The following XRCC6 variants were observed in gnomAD, a reference collection of about 807,000 sequenced individuals.
The protein encoded by XRCC6 is X-ray repair cross complementing 6, also known as DNA repair protein Ku70.
A neutral mutation model predicts 65.7 loss-of-function variants in XRCC6; 5 were observed. The ratio of observed to expected loss-of-function variants is 0.08; its 90% CI spans 0.04 to 0.16. The LOEUF (loss-of-function observed/expected upper bound fraction) is 0.16, where lower values mean the gene tolerates loss of function less well. Ranked by LOEUF, XRCC6 falls within the 10% of genes least tolerant of loss-of-function variation. The pLI is 1.00. For synonymous variants in XRCC6, 270 were observed against 270.6 expected (o/e 1.00, Z 0.02); for missense variants, 447 against 738.1 (o/e 0.61, Z 4.57).
At chr22:41,656,112 G>C (rs191027468) in intron 9 of XRCC6, among the ~76,000 whole-genome samples, 4 of 150,340 alleles carry the variant, frequency 2.7e-5, no homozygotes, top group South Asian at 2.1e-4. Context: ...TTCACTTGTA[G>C]TCCCAGCTAC....
At chr22:41,663,586 C>T in intron 12 of XRCC6, 36 bp from the exon 13 acceptor site, 1 of 1,584,558 alleles carries the variant, frequency 6.3e-7, no homozygotes, top group South Asian at 1.1e-5. Flanking sequence ...TTGTATGTAG[C>T]ATTTCCAGTC....
intron 3 of XRCC6, among the ~76,000 whole-genome samples, chr22:41,632,827 A>AG (rs1456046725): frequency 4.5e-5 from 6 of 132,170 alleles, no homozygotes; most frequent in African/African-American, 1.9e-4. Context: ...TGTCTCTTGG[A>AG]AAAAAAAAAA....
rs921225213 is a variant in XRCC6, at chr22:41,626,631, G to GTT, written c.83-1477_83-1476dup. ...CACCACACCTGGCTAATGTTTGTTTGTTTTTTTTTTTGTTTTTTTTTTTTG... is the reference window on the plus strand; with the variant it reads ...CACCACACCTGGCTAATGTTTGTTTGTTTTTTTTTTTTTGTTTTTTTTTTTTG... On this transcript the variant is annotated intron_variant, in intron 2 of 12. Coordinates refer to ENST00000360079, the MANE Select transcript of XRCC6 (RefSeq NM_001469.5). Among the ~76,000 whole-genome samples, 714 of 111,440 alleles carry GTT rather than the reference G, an allele frequency of 6.4e-3. 29 individuals carry two copies. The highest frequency in any genetic ancestry group is 0.01 in the Non-Finnish European group (507 of 49,920). 73.1% of individuals were successfully genotyped at this position (111,440 alleles called of 152,430 possible).
Position 41,653,662 on chromosome 22 carries a change from T to A in XRCC6, c.1263T>A (p.Asp421Glu). The change falls in exon 9 of 13, where the codon GAT becomes GAA. Residue 421 changes from aspartate to glutamate, a missense_variant. By Grantham distance (45) the Asp-to-Glu change is conservative. Transcript: ENST00000360079. ...VALVPQEEEL[D>E]DQKIQVTPPG... Reference sequence around the variant, plus strand: ...TGGTGCCACAGGAAGAAGAGTTGGATGACCAGAAAATTCAGGTGACTCCTC... The same window carrying A: ...TGGTGCCACAGGAAGAAGAGTTGGAAGACCAGAAAATTCAGGTGACTCCTC... 6.2e-7 allele frequency: 1 copy of A among 1,614,126 alleles called. No homozygotes were observed. The highest frequency in any genetic ancestry group is 8.5e-7 in the Non-Finnish European group (1 of 1,179,982).
At chr22:41,623,375 A>G (rs1483569939) in intron 2 of XRCC6, among the ~76,000 whole-genome samples, 2 of 151,782 alleles carry the variant, frequency 1.3e-5, no homozygotes, top group Non-Finnish European at 2.9e-5. Context: ...CTCCATGCCC[A>G]GACTGTATCT....
At chr22:41,634,295 C>T (rs1201323540) in intron 3 of XRCC6, among the ~76,000 whole-genome samples, 1 of 151,664 alleles carries the variant, frequency 6.6e-6, no homozygotes, top group Admixed American at 6.6e-5. Context: ...AGGTGATCCT[C>T]CTGCCTCAGC....
chr22:41,649,958 G>GGTTCAAGT (rs917178675), intron 7 of XRCC6, among the ~76,000 whole-genome samples: 40 of 152,074 alleles, frequency 2.6e-4, no homozygotes, highest in African/African-American at 8.9e-4. Context: ...CTTGAACCTG[G>GGTTCAAGT]GAGGTTGCCG....
chr22:41,645,387 A>G (rs79926446), intron 6 of XRCC6, among the ~76,000 whole-genome samples: 2,705 of 152,258 alleles, frequency 0.018, 32 homozygotes, highest in Non-Finnish European at 0.027. Flanking sequence ...AATTAGTTCT[A>G]GGAATCTACG....
intron 2 of XRCC6, among the ~76,000 whole-genome samples, chr22:41,623,697 CTTGTA>C (rs988203705): frequency 2.0e-5 from 3 of 150,308 alleles, no homozygotes; most frequent in Non-Finnish European, 3.0e-5. Context: ...TATCTGATTT[CTTGTA>C]TTGTAACGAT....
chr22:41,636,091 T>G, intron 3 of XRCC6, 22 bp from the exon 4 acceptor site: 1 of 1,563,052 alleles, frequency 6.4e-7, no homozygotes, highest in Non-Finnish European at 8.6e-7. Flanking sequence ...TAAGTAAATA[T>G]TAATTGAATT....
In XRCC6 at chr22:41,633,800, T is replaced by C. The variant is rs1397996992; in HGVS notation, c.196-2313T>C. Among the ~76,000 whole-genome samples the C allele has an allele frequency of 1.1e-4, 16 of 152,100 alleles. 1 individual carries two copies. Among genetic ancestry groups the C allele is most frequent in the Admixed American group, 9.8e-4 (15 of 15,256 alleles). On this transcript the variant is annotated intron_variant, in intron 3 of 12. Coordinates refer to ENST00000360079, the MANE Select transcript of XRCC6 (RefSeq NM_001469.5). ...ATGGAACCCTTGATGCCTAAAGACC[T>C]CAGAAGAAAATGTAGTGTTAGGTAG...
intron 7 of XRCC6, among the ~76,000 whole-genome samples, chr22:41,650,371 G>T (rs2067983459): frequency 6.6e-6 from 1 of 152,100 alleles, no homozygotes; most frequent in Admixed American, 6.6e-5. Context: ...AAAGTGCTGG[G>T]ATTACAGGCA....
At chr22:41,644,414 C>G (rs2067910115) in intron 6 of XRCC6, among the ~76,000 whole-genome samples, 3 of 151,272 alleles carry the variant, frequency 2.0e-5, no homozygotes, top group Non-Finnish European at 2.9e-5. Context: ...ATTTTACGTT[C>G]TTTTTTTCCC....
chr22:41,660,895 C>T (rs2068093117), intron 11 of XRCC6, among the ~76,000 whole-genome samples: 2 of 152,058 alleles, frequency 1.3e-5, no homozygotes, highest in South Asian at 2.1e-4. Flanking sequence ...TAATCTCTCT[C>T]CTTTTCTCCT....
intron 2 of XRCC6, among the ~76,000 whole-genome samples, chr22:41,622,659 G>T (rs560843263): frequency 1.3e-5 from 2 of 152,064 alleles, no homozygotes; most frequent in African/African-American, 4.8e-5. Flanking sequence ...AATGAGAAAC[G>T]GCCAGGCGCG....
Position 41,646,977 on chromosome 22 carries a change from A to G in XRCC6, c.855A>G (p.Pro285=). 1.2e-6 allele frequency: 2 copies of G among 1,614,202 alleles called. No homozygotes were observed. The highest frequency in any genetic ancestry group is 1.7e-6 in the Non-Finnish European group (2 of 1,180,046). Residue 285 remains proline (P), a synonymous_variant, in exon 7 of 13, where the codon CCA becomes CCG. Coordinates refer to ENST00000360079, the MANE Select transcript of XRCC6 (RefSeq NM_001469.5). ...NLVQKALKPP[P]IKLYRETNEP... ...TCCAGAAGGCTCTCAAGCCTCCTCCAATAAAGCTCTATCGGGAAACAAATG... is the reference window on the plus strand; with the variant it reads ...TCCAGAAGGCTCTCAAGCCTCCTCCGATAAAGCTCTATCGGGAAACAAATG...
intron 5 of XRCC6, among the ~76,000 whole-genome samples, chr22:41,637,336 G>A (rs914265967): frequency 4.6e-5 from 7 of 152,012 alleles, no homozygotes; most frequent in Admixed American, 2.0e-4. Context: ...CCACCACCTC[G>A]CCCTCCCAAA....
intron 9 of XRCC6, among the ~76,000 whole-genome samples, chr22:41,655,245 A>C (rs1338860838): frequency 1.3e-5 from 2 of 152,188 alleles, no homozygotes; most frequent in African/African-American, 4.8e-5. Context: ...AGGAGGAAAA[A>C]AATATATGCT....
At chr22:41,649,137 A>ATATATATATATATATATATATATATAT (rs1555906685) in intron 7 of XRCC6, among the ~76,000 whole-genome samples, 3 of 92,892 alleles carry the variant, frequency 3.2e-5, no homozygotes, top group Admixed American at 3.2e-4. Flanking sequence ...AAAAAAAAAA[A>ATATATATATATATATATATATATATAT]AAATATATAT....
Sources: allele counts gnomAD v4.1 joint callset (sites outside exome capture counted in the v4.1 genomes callset), GRCh38; gene constraint gnomAD v4.1.1; transcripts MANE v1.5; gene names NCBI Gene and HGNC (gene_info 2026-07-23, HGNC 2026-07-21).